The following TMEM132C variants were observed in gnomAD, a reference collection of about 807,000 sequenced individuals.
TMEM132C encodes the protein protein phosphatase 1, regulatory subunit 152.
In TMEM132C, 29 loss-of-function variants were observed where a neutral mutation model predicts 61.4. The ratio of observed to expected loss-of-function variants is 0.47; its 90% confidence interval spans 0.35 to 0.64. The LOEUF (loss-of-function observed/expected upper bound fraction) is 0.64. Ranked by LOEUF, TMEM132C falls within the 30% of genes least tolerant of loss-of-function variation. TMEM132C has a pLI of 0.00. For synonymous variants in TMEM132C, 656 were observed against 633.1 expected, an observed-to-expected ratio of 1.04 and a Z score of -0.54; for missense variants, 1,408 against 1,476.9, an observed-to-expected ratio of 0.95 and a Z score of 0.76.
At chr12:128,542,415 C>T (rs1265871779) in intron 2 of TMEM132C, among the ~76,000 whole-genome samples, 3 of 152,170 alleles carry the variant, frequency 2.0e-5, no homozygotes, top group South Asian at 2.1e-4. Flanking sequence ...AAGTGACCCT[C>T]CTGCCTAAAC....
At chr12:128,522,274 G>A (rs1338999806) in intron 2 of TMEM132C, among the ~76,000 whole-genome samples, 1 of 152,206 alleles carries the variant, frequency 6.6e-6, no homozygotes, top group Non-Finnish European at 1.5e-5. Flanking sequence ...TCAGAGGCCT[G>A]TGGGTATTTG....
At chr12:128,550,086 G>A (rs939930187) in intron 3 of TMEM132C, among the ~76,000 whole-genome samples, 3 of 152,212 alleles carry the variant, frequency 2.0e-5, no homozygotes, top group African/African-American at 7.2e-5. Flanking sequence ...TAGCCAGCTA[G>A]GGCTGCCTGA....
intron 2 of TMEM132C, among the ~76,000 whole-genome samples, chr12:128,467,873 C>G (rs141616549): frequency 2.6e-5 from 4 of 152,330 alleles, no homozygotes; most frequent in African/African-American, 9.6e-5. Flanking sequence ...GTGTGCCCAT[C>G]ATGTGTTACA....
intron 2 of TMEM132C, among the ~76,000 whole-genome samples, chr12:128,417,830 C>T (rs1203954207): frequency 6.6e-6 from 1 of 152,160 alleles, no homozygotes; most frequent in African/African-American, 2.4e-5. Context: ...TTGTGTAAAA[C>T]AACTACCAAG....
chr12:128,597,811 T>C (rs748066232), intron 3 of TMEM132C, among the ~76,000 whole-genome samples: 1 of 152,176 alleles, frequency 6.6e-6, no homozygotes, highest in Non-Finnish European at 1.5e-5. Flanking sequence ...CCTTAAGGTG[T>C]CTGCCTGAGG....
chr12:128,662,161 G>A (rs1217550900), intron 4 of TMEM132C, among the ~76,000 whole-genome samples: 1 of 152,190 alleles, frequency 6.6e-6, no homozygotes, highest in Admixed American at 6.5e-5. Flanking sequence ...TGTCTGCTAT[G>A]TGCTTGACTT....
intron 2 of TMEM132C, among the ~76,000 whole-genome samples, chr12:128,457,942 G>A (rs917271549): frequency 6.6e-6 from 1 of 152,124 alleles, no homozygotes; most frequent in Non-Finnish European, 1.5e-5. Context: ...CCACATGACA[G>A]TGGGAGTTGT....
chr12:128,330,456 G>A (rs1872640429), intron 1 of TMEM132C, among the ~76,000 whole-genome samples: 1 of 152,136 alleles, frequency 6.6e-6, no homozygotes, highest in African/African-American at 2.4e-5. Context: ...AGGAGGCTGA[G>A]GCAGGAGGAT....
intron 1 of TMEM132C, among the ~76,000 whole-genome samples, chr12:128,295,276 G>T (rs927408818): frequency 6.6e-6 from 1 of 152,082 alleles, no homozygotes; most frequent in Non-Finnish European, 1.5e-5. Context: ...GCCTCAAGCA[G>T]TCCTCCTGCC....
At chr12:128,530,507 A>AGTGTG (rs1873253033) in intron 2 of TMEM132C, among the ~76,000 whole-genome samples, 1 of 151,884 alleles carries the variant, frequency 6.6e-6, no homozygotes, top group African/African-American at 2.4e-5. Context: ...GCAGTGGCAC[A>AGTGTG]ATCTCGGCTC....
chr12:128,372,201 G>T (rs540653524), intron 1 of TMEM132C, among the ~76,000 whole-genome samples: 1 of 152,326 alleles, frequency 6.6e-6, no homozygotes, highest in Admixed American at 6.5e-5. Flanking sequence ...CAAGTCCTAT[G>T]ACATTGAGTC....
intron 2 of TMEM132C, among the ~76,000 whole-genome samples, chr12:128,433,929 T>C (rs1869486582): frequency 1.3e-5 from 2 of 152,212 alleles, no homozygotes; most frequent in Non-Finnish European, 2.9e-5. Flanking sequence ...ATTCTGGCTT[T>C]GTTATCAGAA....
At chr12:128,473,290 GCCTCCGTCTTCATCTTCACT>G in intron 2 of TMEM132C, among the ~76,000 whole-genome samples, 1 of 70,812 alleles carries the variant, frequency 1.4e-5, no homozygotes, top group Non-Finnish European at 3.1e-5. Context: ...CTTCTCTCCA[GCCTCCGTCTTCATCTTCACT>G]CCAGCCTCTA....
intron 4 of TMEM132C, among the ~76,000 whole-genome samples, chr12:128,640,817 G>A (rs1427685181): frequency 6.6e-6 from 1 of 152,160 alleles, no homozygotes; most frequent in Non-Finnish European, 1.5e-5. Flanking sequence ...AGCCCAACAG[G>A]TTGGGCCGCA....
chr12:128,378,183 C>T (rs992912882), intron 1 of TMEM132C, among the ~76,000 whole-genome samples: 15 of 151,706 alleles, frequency 9.9e-5, no homozygotes, highest in Non-Finnish European at 1.6e-4. Flanking sequence ...GGCGCAATCT[C>T]GGCTCACTGC....
intron 1 of TMEM132C, among the ~76,000 whole-genome samples, chr12:128,344,163 T>C (rs956042504): frequency 1.6e-4 from 25 of 152,228 alleles, no homozygotes; most frequent in East Asian, 3.8e-4. Context: ...TTCTTTTTAT[T>C]TTTTTATTTT....
chr12:128,604,577 G>T (rs1399701251), intron 3 of TMEM132C, among the ~76,000 whole-genome samples: 1 of 151,568 alleles, frequency 6.6e-6, no homozygotes, highest in Non-Finnish European at 1.5e-5. Context: ...GATACAAATG[G>T]ATAGATAGAT....
chr12:128,696,522 C>T (rs1353452476), intron 7 of TMEM132C, among the ~76,000 whole-genome samples: 2 of 152,196 alleles, frequency 1.3e-5, no homozygotes, highest in Non-Finnish European at 1.5e-5. Flanking sequence ...TTCAGTCATT[C>T]TGTCTTCCTG....
chr12:128,537,314 G>C (rs1377772125), intron 2 of TMEM132C, among the ~76,000 whole-genome samples: 1 of 152,164 alleles, frequency 6.6e-6, no homozygotes, highest in Non-Finnish European at 1.5e-5. Flanking sequence ...TTGGTATCTG[G>C]AGCAAGTCTT....
Sources: allele counts gnomAD v4.1 joint callset (sites outside exome capture counted in the v4.1 genomes callset), GRCh38; gene constraint gnomAD v4.1.1; transcripts MANE v1.5; gene names NCBI Gene and HGNC (gene_info 2026-07-23, HGNC 2026-07-21).